Variants in ANKS1A observed in about 807,000 individuals in gnomAD.
The protein encoded by ANKS1A is ankyrin repeat and SAM domain-containing protein 1A.
ANKS1A carries 55 observed loss-of-function variants against 120.3 expected under a neutral mutation model. The observed-to-expected ratio is 0.46, with a 90% CI of 0.37 to 0.57. The LOEUF is 0.57. ANKS1A is among the 20% of genes least tolerant of loss of function. The pLI is 0.00. For synonymous variants in ANKS1A, 590 were observed against 604.7 expected (o/e 0.98, Z 0.36); for missense variants, 1,123 against 1,480.3 (o/e 0.76, Z 3.96).
the ANKS1A span, among the ~76,000 whole-genome samples, chr6:35,096,854 G>C: frequency 1.3e-5 from 2 of 151,722 alleles, no homozygotes; most frequent in Non-Finnish European, 2.9e-5. Context: ...GGCAAATTAC[G>C]TGAAGGAAAA....
intron 11 of ANKS1A, among the ~76,000 whole-genome samples, chr6:35,052,825 G>C (rs1776036085): frequency 6.6e-6 from 1 of 152,026 alleles, no homozygotes; most frequent in Admixed American, 6.6e-5. Flanking sequence ...CTGTGCCTCT[G>C]GGCTGCTGGG....
chr6:34,913,799 A>G (rs1428730876), intron 1 of ANKS1A, among the ~76,000 whole-genome samples: 1 of 151,994 alleles, frequency 6.6e-6, no homozygotes, highest in Non-Finnish European at 1.5e-5. Context: ...CACCCAGCTA[A>G]TTTTTGTATT....
rs963178082 is a variant in ANKS1A at position 35,004,793 on chromosome 6, T to C, written c.1423+10371T>C. On this transcript the variant is annotated intron_variant, in intron 10 of 23. Coordinates refer to ENST00000360359, the MANE Select transcript of ANKS1A (RefSeq NM_015245.3). ...AAGTAACTGCCTTTTAATAGCAAAA[T>C]AATACCATCCTAATCTAACCACAGA... 3.9e-5 allele frequency among the ~76,000 whole-genome samples: 6 copies of C among 152,272 alleles called. No individual in the cohort carries two copies. The East Asian group carries it at 1.2e-3, about 29-fold the overall frequency.
intron 1 of ANKS1A, among the ~76,000 whole-genome samples, chr6:34,949,942 T>A (rs1769988330): frequency 6.6e-6 from 1 of 152,036 alleles, no homozygotes; most frequent in African/African-American, 2.4e-5. Context: ...CAGAAATAAA[T>A]TTTCTCCAGA....
chr6:35,027,206 T>C (rs1285256263), intron 11 of ANKS1A, among the ~76,000 whole-genome samples: 2 of 152,154 alleles, frequency 1.3e-5, no homozygotes, highest in Non-Finnish European at 2.9e-5. Context: ...TGGGTGTTCA[T>C]GGAGGCAGGG....
At chr6:35,081,300 C>T (rs940546999) in intron 17 of ANKS1A, 142 bp downstream of exon 17, 6 of 1,174,194 alleles carry the variant, frequency 5.1e-6, no homozygotes, top group East Asian at 5.4e-5. Flanking sequence ...CTGCTCTGCT[C>T]GCCCACACCC....
intron 1 of ANKS1A, among the ~76,000 whole-genome samples, chr6:34,965,689 A>G (rs926409103): frequency 6.6e-6 from 1 of 151,990 alleles, no homozygotes; most frequent in African/African-American, 2.4e-5. Flanking sequence ...CACTAAGCAT[A>G]AAGGCTCTGG....
chr6:34,982,935 T>C lies in ANKS1A; in HGVS notation c.808+108T>C. 2 of 1,367,436 alleles carry C rather than the reference T, an allele frequency of 1.5e-6. No individual in the cohort carries two copies. The highest frequency in any genetic ancestry group is 1.2e-5 in the South Asian group (1 of 84,866). 84.7% of individuals were successfully genotyped at this position (1,367,436 alleles called of 1,614,324 possible). ...TGGCTGTGTTTGAACTCAATGTATG[T>C]GTATCTCCACTGGTTGATTACAAGT... On this transcript the variant is annotated intron_variant, in intron 5 of 23. Transcript: ENST00000360359. The surrounding 1 kb of genome is among the most constrained non-coding windows in gnomAD (Gnocchi z 4.9).
intron 1 of ANKS1A, among the ~76,000 whole-genome samples, chr6:34,911,004 C>G (rs965590870): frequency 1.3e-5 from 2 of 151,888 alleles, no homozygotes; most frequent in Non-Finnish European, 2.9e-5. Context: ...CACTTTTTTC[C>G]CTCTCTAGTA....
intron 1 of ANKS1A, among the ~76,000 whole-genome samples, chr6:34,902,307 T>C (rs1767391277): frequency 6.6e-6 from 1 of 152,018 alleles, no homozygotes; most frequent in South Asian, 2.1e-4. Context: ...TGGAGTGCAA[T>C]GCGTGATCTC....
intron 1 of ANKS1A, among the ~76,000 whole-genome samples, chr6:34,890,694 G>A (rs1231996971): frequency 6.6e-6 from 1 of 152,154 alleles, no homozygotes; most frequent in Non-Finnish European, 1.5e-5. Flanking sequence ...AGGGGGATTG[G>A]GGGTGCTTTG....
chr6:34,970,342 C>T (rs1416602691), intron 3 of ANKS1A, among the ~76,000 whole-genome samples, 176 bp downstream of exon 3: 1 of 152,110 alleles, frequency 6.6e-6, no homozygotes, highest in East Asian at 1.9e-4. Context: ...TTGTGATTCC[C>T]CTCTTCCCAG....
At chr6:34,905,050 A>T (rs984898313) in intron 1 of ANKS1A, among the ~76,000 whole-genome samples, 5 of 152,218 alleles carry the variant, frequency 3.3e-5, no homozygotes, top group African/African-American at 1.2e-4. Context: ...GCCTCAAGTG[A>T]TCTGCCTGCC....
intron 10 of ANKS1A, 42 bp downstream of exon 10, chr6:34,994,464 A>G (rs1561899572): frequency 2.5e-6 from 4 of 1,598,266 alleles, no homozygotes; most frequent in East Asian, 2.3e-5. Context: ...CTCCAAAGGG[A>G]TTTTTAAAGT....
At chr6:35,042,066 A>G (rs761344128) in intron 11 of ANKS1A, among the ~76,000 whole-genome samples, 18 of 152,170 alleles carry the variant, frequency 1.2e-4, no homozygotes, top group Non-Finnish European at 2.2e-4. Context: ...GGCATTTTCT[A>G]TTTCTTAAAC....
intron 1 of ANKS1A, among the ~76,000 whole-genome samples, chr6:34,901,713 G>A (rs1346179881): frequency 1.3e-5 from 2 of 152,156 alleles, no homozygotes; most frequent in Non-Finnish European, 2.9e-5. Flanking sequence ...GTCTTGCCAT[G>A]TTTCCCAGGC....
intron 17 of ANKS1A, 142 bp downstream of exon 17, chr6:35,081,300 C>A: frequency 8.5e-7 from 1 of 1,174,184 alleles, no homozygotes; most frequent in Non-Finnish European, 1.2e-6. Flanking sequence ...CTGCTCTGCT[C>A]GCCCACACCC....
In ANKS1A at chr6:35,090,834, T is replaced by C. The variant is rs1328712118; in HGVS notation, c.*2225T>C. 35 of 985,638 alleles carry C rather than the reference T, an allele frequency of 3.6e-5. No homozygotes were observed. The highest frequency in any genetic ancestry group is 4.2e-5 in the Non-Finnish European group (35 of 830,216). The allele number at this position is 985,638 out of a possible 1,614,324, so 61.1% of individuals were successfully genotyped here. On this transcript the variant is annotated 3_prime_UTR_variant, in exon 24 of 24. Coordinates refer to ENST00000360359, the MANE Select transcript of ANKS1A (RefSeq NM_015245.3). ...GGAGACTTCAGATGGGCTCAGTACCTGTCCCAGCCACAGGCTTCTTGTCCA... is the reference window on the plus strand; with the variant it reads ...GGAGACTTCAGATGGGCTCAGTACCCGTCCCAGCCACAGGCTTCTTGTCCA...
intron 8 of ANKS1A, among the ~76,000 whole-genome samples, chr6:34,988,877 C>T (rs185932095): frequency 2.0e-5 from 3 of 152,118 alleles, no homozygotes; most frequent in South Asian, 4.1e-4. Flanking sequence ...GAAAAGTGAA[C>T]CACTGATTTT....
Sources: allele counts gnomAD v4.1 joint callset (sites outside exome capture counted in the v4.1 genomes callset), GRCh38; gene constraint gnomAD v4.1.1; non-coding constraint Gnocchi (gnomAD v3.1); transcripts MANE v1.5; gene names NCBI Gene and HGNC (gene_info 2026-07-23, HGNC 2026-07-21).